TTN: variants seen among roughly 807,000 people sequenced by gnomAD.
The protein encoded by TTN is titin, also known as connectin.
A neutral mutation model predicts 3,223.0 loss-of-function variants in TTN; 1,525 were observed. That is an observed-to-expected ratio of 0.47 (90% confidence interval 0.45 to 0.49). TTN has a LOEUF of 0.49. TTN is among the 20% of genes least tolerant of loss of function. TTN has a pLI of 0.00. For synonymous variants in TTN, 14,094 were observed against 15,161.0 expected, an observed-to-expected ratio of 0.93 and a Z score of 5.17; for missense variants, 40,786 against 43,424.0, an observed-to-expected ratio of 0.94 and a Z score of 5.40.
chr2:178,576,641 T>A lies in TTN; in HGVS notation c.69603A>T (p.Val23201=). ...AGGTGCTTCCTTCTTGCAGTCCTGT[T>A]ACTTTGCACCTGAGATCGGAAACTG... ...KTPVSDLRCK[V]TGLQEGSTYE... is the part of the protein sequence containing the mutation. Residue 23201 remains valine (V), a synonymous_variant, in exon 325 of 363, where the codon GTA becomes GTT. Coordinates refer to ENST00000589042, the MANE Select transcript of TTN (RefSeq NM_001267550.2). The surrounding 1 kb of genome is among the most constrained non-coding windows in gnomAD (Gnocchi z 4.3). 1.2e-6 allele frequency: 2 copies of A among 1,613,608 alleles called. No homozygotes were observed. Among genetic ancestry groups the A allele is most frequent in the Non-Finnish European group, 1.7e-6 (2 of 1,179,632 alleles).
Position 178,685,320 on chromosome 2 carries a change from CCTCT to C in TTN, c.32399_32402del (p.Glu10800GlyfsTer8). The stretch of plus-strand genomic sequence containing the variant: ...GTTTCAGTACAATTTTCTTCTCCTG[CCTCT>C]CTGTCACTTGAAAAGATTATAAAAT... On this transcript the variant is annotated frameshift_variant, in exon 129 of 363. Transcript: ENST00000589042. LOFTEE classifies it high-confidence loss of function. The C allele has an allele frequency of 1.9e-6, 3 of 1,551,092 alleles. No individual in the cohort carries two copies. Among genetic ancestry groups the C allele is most frequent in the Non-Finnish European group, 2.6e-6 (3 of 1,146,908 alleles).
intron 112 of TTN, 132 bp from the exon 113 acceptor site, chr2:178,697,300 G>A (rs1441771994): frequency 4.6e-6 from 3 of 658,674 alleles, no homozygotes; most frequent in Non-Finnish European, 7.1e-6. Flanking sequence ...GCCCTTCCAG[G>A]AATCATAATA....
At position 178,727,386 on chromosome 2, in the gene TTN, A is replaced by G. The variant is rs556907769; in HGVS notation, c.19994-15T>C. 6.4e-7 allele frequency: 1 copy of G among 1,565,662 alleles called. No individual in the cohort carries two copies. The highest frequency in any genetic ancestry group is 8.6e-7 in the Non-Finnish European group (1 of 1,158,346). On this transcript the variant is annotated splice_polypyrimidine_tract_variant and intron_variant, in intron 68 of 362. Transcript: ENST00000589042. Reference sequence around the variant, plus strand: ...CTTTGGTGGTTCTAAAGAGTCAGGAAAGAGGAGAGTATCAGGGAACAGAAA... The same window carrying G: ...CTTTGGTGGTTCTAAAGAGTCAGGAGAGAGGAGAGTATCAGGGAACAGAAA...
rs150579194 is a variant in TTN, at chr2:178,777,865, C to A, written c.4319G>T (p.Gly1440Val). The A allele has an allele frequency of 3.1e-6, 5 of 1,614,032 alleles. No homozygotes were observed. The highest frequency in any genetic ancestry group is 4.2e-6 in the Non-Finnish European group (5 of 1,179,940). ...CTCATCTGTCTCCTCCAGCCTACGTCCAGGGGACATTCTTGCAGGGGACAT... is the reference window on the plus strand; with the variant it reads ...CTCATCTGTCTCCTCCAGCCTACGTACAGGGGACATTCTTGCAGGGGACAT... The part of the protein sequence containing the change: ...ARMSPARMSP[G>V]RRLEETDESQ... Residue 1440 changes from glycine (G) to valine (V), a missense_variant, in exon 25 of 363, where the codon GGA (glycine) becomes GTA (valine). Transcript: ENST00000589042.
intron 336 of TTN, 28 bp from the exon 337 acceptor site, chr2:178,550,301 T>C (rs1559188392): frequency 6.4e-7 from 1 of 1,562,364 alleles, no homozygotes; most frequent in Non-Finnish European, 8.7e-7. Flanking sequence ...ATACTATGTA[T>C]TAGTTTGGCT....
chr2:178,531,496 G>C lies in TTN; in HGVS notation c.105119C>G (p.Ala35040Gly), dbSNP rs778968394. The C allele has an allele frequency of 6.2e-7, 1 of 1,613,902 alleles. No individual in the cohort carries two copies. The highest frequency in any genetic ancestry group is 1.1e-5 in the South Asian group (1 of 91,088). ...DVTGGDYTTY[A>G]SQRRDEEVPR... ...GACCTCTTCATCTCTGCGTTGGGAA[G>C]CATAGGTGGTATAATCCCCTCCTGT... The change falls in exon 358 of 363, where the codon GCT becomes GGT. Residue 35040 changes from alanine to glycine, a missense_variant. Transcript: ENST00000589042.
Position 178,564,504 on chromosome 2 carries a change from T to C in TTN, c.81628A>G (p.Lys27210Glu). 1 of 1,612,450 alleles carries C rather than the reference T, an allele frequency of 6.2e-7. No homozygotes were observed. Among genetic ancestry groups the C allele is most frequent in the Non-Finnish European group, 8.5e-7 (1 of 1,179,158 alleles). ...ATCCAGCGGCCATCAGGTAGATCTT[T>C]CTTTTCTACAATATAACCTGTTATT... Reference protein sequence around the residue: ...SKITGYIVEKKDLPDGRWMKA... With the variant: ...SKITGYIVEKEDLPDGRWMKA... The change falls in exon 326 of 363, where the codon AAA becomes GAA. Residue 27210 changes from lysine to glutamate, a missense_variant. Coordinates refer to ENST00000589042, the MANE Select transcript of TTN (RefSeq NM_001267550.2).
chr2:178,764,476 AG>A, intron 42 of TTN, 50 bp downstream of exon 42: 2 of 1,613,354 alleles, frequency 1.2e-6, no homozygotes, highest in Non-Finnish European at 1.7e-6. Context: ...AAAGGACAAA[AG>A]CCTGCTTCTT....
Position 178,557,440 on chromosome 2 carries a change from C to G in TTN, c.87822G>C (p.Leu29274=). Residue 29274 remains leucine (L), a synonymous_variant, in exon 329 of 363, where the codon CTG becomes CTC. Transcript: ENST00000589042. ...AAATACTGTTTCTGTCTTTCATTTC[C>G]AGGTGATAGCCTACGACTGCACTGC... The part of the protein sequence containing the change: ...NGGSAVVGYH[L]EMKDRNSILW... The G allele has an allele frequency of 6.2e-7, 1 of 1,613,910 alleles. No homozygotes were observed. The highest frequency in any genetic ancestry group is 8.5e-7 in the Non-Finnish European group (1 of 1,179,834).
intron 350 of TTN, among the ~76,000 whole-genome samples, chr2:178,540,805 CAAA>C (rs1229319197): frequency 1.1e-4 from 17 of 151,660 alleles, no homozygotes; most frequent in African/African-American, 4.1e-4. Flanking sequence ...CAAAAAAACA[CAAA>C]AAAACAAAAG....
chr2:178,594,853 T>C (rs557016610), intron 295 of TTN, among the ~76,000 whole-genome samples: 2 of 152,088 alleles, frequency 1.3e-5, no homozygotes, highest in East Asian at 1.9e-4. Flanking sequence ...GATGAGGAAA[T>C]AGAGGTTTGT....
chr2:178,666,670 A>G (rs1419504560), intron 163 of TTN, among the ~76,000 whole-genome samples, 154 bp downstream of exon 163: 1 of 152,198 alleles, frequency 6.6e-6, no homozygotes, highest in Non-Finnish European at 1.5e-5. Flanking sequence ...TCACTGGGAC[A>G]TGAATACATT....
chr2:178,712,922 T>C lies in TTN; in HGVS notation c.27103A>G (p.Asn9035Asp). ...PDPMDVLTGTNVTFTSIVKGT... is the reference protein window; with the variant it reads ...PDPMDVLTGTDVTFTSIVKGT... ...TTTACGATACTTGTGAAAGTTACAT[T>C]GGTCCCAGTTAAAACATCCATGGGA... Residue 9035 changes from asparagine to aspartate, a missense_variant, in exon 94 of 363, where the codon AAT becomes GAT. Physicochemically the swap from Asn to Asp is conservative, Grantham distance 23. Coordinates refer to ENST00000589042, the MANE Select transcript of TTN (RefSeq NM_001267550.2). The C allele has an allele frequency of 6.2e-7, 1 of 1,613,204 alleles. No individual in the cohort carries two copies. The highest frequency in any genetic ancestry group is 8.5e-7 in the Non-Finnish European group (1 of 1,179,490).
chr2:178,790,294 T>C (rs1027518968), intron 11 of TTN, among the ~76,000 whole-genome samples, 179 bp from the exon 12 acceptor site: 1 of 151,864 alleles, frequency 6.6e-6, no homozygotes, highest in African/African-American at 2.4e-5. Flanking sequence ...GGCAAAAATA[T>C]CAAAACAATA....
At position 178,693,433 on chromosome 2, in the gene TTN, C is replaced by T. The variant is rs183508685; in HGVS notation, c.31594+176G>A. 3.0e-3 allele frequency among the ~76,000 whole-genome samples: 457 copies of T among 152,094 alleles called. 6 individuals are homozygous for T. The highest frequency in any genetic ancestry group is 6.8e-3 in the Middle Eastern group (2 of 294). ...AGCCTCCCATAATTTTCACTTTTTT[C>T]CCCCTGTGCCTTCCTCATGGTTCTT... On this transcript the variant is annotated intron_variant, in intron 119 of 362. Transcript: ENST00000589042.
intron 47 of TTN, chr2:178,749,942 A>T (rs145923552): frequency 1.9e-6 from 3 of 1,613,216 alleles, no homozygotes; most frequent in Non-Finnish European, 2.5e-6. Flanking sequence ...TTCATTAGTA[A>T]TATCAGACAA....
At chr2:178,630,394 C>T (rs1329420245) in intron 238 of TTN, 27 bp from the exon 239 acceptor site, 4 of 1,573,332 alleles carry the variant, frequency 2.5e-6, no homozygotes, top group Non-Finnish European at 3.4e-6. Context: ...GAAAAACTTT[C>T]ATAGAAAATA....
chr2:178,527,521 T>C lies in TTN; in HGVS notation c.107605A>G (p.Ser35869Gly), dbSNP rs201835888. 1.8e-4 allele frequency: 290 copies of C among 1,614,054 alleles called. No individual in the cohort carries two copies. The African/African-American group carries it at 3.4e-3, about 19-fold the overall frequency. ...MQESFVEMSSSSFMGISNMTQ... is the reference protein window; with the variant it reads ...MQESFVEMSSGSFMGISNMTQ... ...ATATTAGATATTCCCATAAAGCTGC[T>C]GGAACTCATTTCTACAAAGGACTCT... is the stretch of plus-strand genomic sequence containing the variant. The change falls in exon 362 of 363, where the codon AGC (serine) becomes GGC (glycine). Residue 35869 changes from serine to glycine, a missense_variant. By Grantham distance (56) the Ser-to-Gly change is moderately conservative. Transcript: ENST00000589042.
In TTN at chr2:178,548,658, C is replaced by T. The variant is rs747622770; in HGVS notation, c.92968G>A (p.Asp30990Asn). Residue 30990 changes from aspartate to asparagine, a missense_variant, in exon 339 of 363, where the codon GAT becomes AAT. Coordinates refer to ENST00000589042, the MANE Select transcript of TTN (RefSeq NM_001267550.2). The surrounding 1 kb of genome is among the most constrained non-coding windows in gnomAD (Gnocchi z 4.3). ...ACAGTAAGGGTATATTTCCCTGCAT[C>T]ATTTCTGTTGCAGTTTTCCACAGTG... is the stretch of plus-strand genomic sequence containing the variant. The part of the protein sequence containing the change: ...TLTVENCNRN[D>N]AGKYTLTVEN... 1 of 1,613,846 alleles carries T rather than the reference C, an allele frequency of 6.2e-7. No homozygotes were observed. The highest frequency in any genetic ancestry group is 2.2e-5 in the East Asian group (1 of 44,876).
Sources: gnomAD v4.1 joint callset for allele counts (sites outside exome capture counted in the v4.1 genomes callset) on GRCh38, gnomAD v4.1.1 for gene constraint, Gnocchi (gnomAD v3.1) non-coding constraint, MANE v1.5 for transcripts, NCBI Gene and HGNC (gene_info 2026-07-23, HGNC 2026-07-21) for gene names.